The following ARMC1 variants were observed in gnomAD, a reference collection of about 807,000 sequenced individuals.
ARMC1 encodes armadillo repeat containing 1, also known as armadillo repeat-containing protein 1.
Under a neutral mutation model 31.4 loss-of-function variants are expected in ARMC1, and 16 were observed. The observed-to-expected ratio is 0.51, with a 90% CI of 0.34 to 0.77. ARMC1 has a LOEUF of 0.77. ARMC1 is among the 30% of genes least tolerant of loss of function. ARMC1 has a pLI of 0.01. For missense variants in ARMC1, 259 were observed against 347.5 expected (o/e 0.75, Z 2.02); for synonymous variants, 114 against 118.9 (o/e 0.96, Z 0.27).
chr8:65,604,896 A>T (rs1316061746), intron 6 of ARMC1, among the ~76,000 whole-genome samples: 2 of 152,170 alleles, frequency 1.3e-5, no homozygotes, highest in Non-Finnish European at 2.9e-5. Flanking sequence ...CTCAAGGTAT[A>T]TTTGTTTCCC....
intron 2 of ARMC1, among the ~76,000 whole-genome samples, chr8:65,626,459 T>C (rs1004282695): frequency 4.3e-5 from 6 of 138,834 alleles, no homozygotes; most frequent in Non-Finnish European, 9.4e-5. Flanking sequence ...AAAAAAAAAA[T>C]TTATTTATAA....
chr8:65,616,257 C>T (rs1033535072), intron 3 of ARMC1, among the ~76,000 whole-genome samples: 7 of 152,150 alleles, frequency 4.6e-5, no homozygotes, highest in Admixed American at 2.0e-4. Context: ...CTCAGCCTGC[C>T]GAGTGCCTGC....
chr8:65,610,434 G>C (rs994820774), intron 4 of ARMC1, among the ~76,000 whole-genome samples: 1 of 67,614 alleles, frequency 1.5e-5, no homozygotes, highest in Non-Finnish European at 2.8e-5. Flanking sequence ...AGTGGTTCAT[G>C]CCTGTAATCC....
In ARMC1 at chr8:65,602,820, C is replaced by CTTTTTT. The variant is rs557383084; in HGVS notation, c.*1568_*1573dup. The CTTTTTT allele has an allele frequency of 7.3e-6, 1 of 137,518 alleles. No individual in the cohort carries two copies. The highest frequency in any genetic ancestry group is 2.6e-5 in the African/African-American group (1 of 38,700). 8.5% of individuals were successfully genotyped at this position (137,518 alleles called of 1,614,324 possible). On this transcript the variant is annotated 3_prime_UTR_variant, in exon 7 of 7. Coordinates refer to ENST00000276569, the MANE Select transcript of ARMC1 (RefSeq NM_018120.6). ...ATAGGTGCCCTGAAAGTTATTGTTG[C>CTTTTTT]TTTTTTTGTTTTTTTTTTTTCAGTT... is the stretch of plus-strand genomic sequence containing the variant.
At chr8:65,617,419 C>T (rs1808295389) in intron 3 of ARMC1, among the ~76,000 whole-genome samples, 1 of 152,122 alleles carries the variant, frequency 6.6e-6, no homozygotes, top group African/African-American at 2.4e-5. Context: ...TGCTTGAAGG[C>T]AGCATGCTCC....
At chr8:65,632,508 G>T (rs1244356238) in intron 1 of ARMC1, among the ~76,000 whole-genome samples, 1 of 152,136 alleles carries the variant, frequency 6.6e-6, no homozygotes, top group Non-Finnish European at 1.5e-5. Flanking sequence ...AGCTACTCGG[G>T]AGGCTGGGTC....
chr8:65,611,211 G>A (rs941637978), intron 4 of ARMC1, among the ~76,000 whole-genome samples: 7 of 152,156 alleles, frequency 4.6e-5, no homozygotes, highest in East Asian at 3.9e-4. Flanking sequence ...TGGCATTACC[G>A]GCGTAAGCCA....
chr8:65,632,039 C>A (rs1004774612), intron 1 of ARMC1, among the ~76,000 whole-genome samples: 1 of 152,126 alleles, frequency 6.6e-6, no homozygotes, highest in African/African-American at 2.4e-5. Flanking sequence ...GCTCTGTTGC[C>A]CAGGCTGGAT....
chr8:65,614,633 T>C (rs1808212783), intron 3 of ARMC1, among the ~76,000 whole-genome samples: 1 of 152,196 alleles, frequency 6.6e-6, no homozygotes, highest in Admixed American at 6.5e-5. Flanking sequence ...TCTGGCCCCA[T>C]TTGGCTATCT....
chr8:65,603,113 T>C lies in ARMC1; in HGVS notation c.*1281A>G, dbSNP rs1246566832. 1 of 152,212 alleles carries C rather than the reference T, an allele frequency of 6.6e-6. No homozygotes were observed. The highest frequency in any genetic ancestry group is 1.5e-5 in the Non-Finnish European group (1 of 68,028). 9.4% of individuals were successfully genotyped at this position (152,212 alleles called of 1,614,324 possible). A position where few individuals can be genotyped will look rare whatever the true frequency, so the allele number is the denominator to read the frequency against. ...GTTTTTACTCATATCAACATTAATA[T>C]GTATCTGGATTTATTAATTTCCAAA... is the stretch of plus-strand genomic sequence containing the variant. On this transcript the variant is annotated 3_prime_UTR_variant, in exon 7 of 7. Transcript: ENST00000276569.
intron 4 of ARMC1, among the ~76,000 whole-genome samples, chr8:65,612,414 C>T (rs1808161602): frequency 6.6e-6 from 1 of 151,884 alleles, no homozygotes; most frequent in Admixed American, 6.6e-5. Context: ...TATGATTGTG[C>T]CACTGCACTC....
chr8:65,629,274 G>GGA (rs950391653), intron 1 of ARMC1, among the ~76,000 whole-genome samples: 24 of 152,286 alleles, frequency 1.6e-4, no homozygotes, highest in African/African-American at 5.8e-4. Context: ...GGACAGAACT[G>GGA]GAGAACATTG....
chr8:65,610,054 A>C (rs1275744911), intron 4 of ARMC1, among the ~76,000 whole-genome samples: 1 of 151,978 alleles, frequency 6.6e-6, no homozygotes, highest in African/African-American at 2.4e-5. Context: ...AACAGGGACC[A>C]GATTTAGCCT....
chr8:65,618,787 T>C (rs1224378939), intron 3 of ARMC1, among the ~76,000 whole-genome samples: 1 of 152,088 alleles, frequency 6.6e-6, no homozygotes, highest in Admixed American at 6.6e-5. Flanking sequence ...TTTACACCTG[T>C]AATCCCAGCA....
At chr8:65,605,570 T>C (rs1807985046) in intron 4 of ARMC1, 32 bp from the exon 5 acceptor site, 4 of 1,455,770 alleles carry the variant, frequency 2.7e-6, no homozygotes, top group South Asian at 2.3e-5. Context: ...GTTATGAAAA[T>C]AGGTAAATAA....
At chr8:65,628,898 A>C (rs1200882919) in intron 1 of ARMC1, among the ~76,000 whole-genome samples, 1 of 151,820 alleles carries the variant, frequency 6.6e-6, no homozygotes, top group East Asian at 1.9e-4. Context: ...TCACGCCTGT[A>C]ATCCCAGCAC....
chr8:65,628,867 A>C (rs1020919841), intron 1 of ARMC1, among the ~76,000 whole-genome samples: 1 of 150,026 alleles, frequency 6.7e-6, no homozygotes, highest in Non-Finnish European at 1.5e-5. Context: ...AAAAATCAGC[A>C]TATCGGCCGG....
At chr8:65,608,814 C>G (rs894571367) in intron 4 of ARMC1, among the ~76,000 whole-genome samples, 4 of 151,994 alleles carry the variant, frequency 2.6e-5, no homozygotes, top group Non-Finnish European at 5.9e-5. Flanking sequence ...GAGGCTGAGG[C>G]AGGAGAATTG....
In ARMC1 at chr8:65,602,964, G is replaced by A. The variant is rs1363988787; in HGVS notation, c.*1430C>T. The A allele has an allele frequency of 1.3e-5, 2 of 151,792 alleles. No individual in the cohort carries two copies. Among genetic ancestry groups the A allele is most frequent in the South Asian group, 2.1e-4 (1 of 4,820 alleles). The allele number at this position is 151,792 out of a possible 1,614,324, so 9.4% of individuals were successfully genotyped here. On this transcript the variant is annotated 3_prime_UTR_variant, in exon 7 of 7. Transcript: ENST00000276569. Reference sequence around the variant, plus strand: ...TAGTGAACTCAAGACTCTCACTGATGATGGTATTTTACAATGAAAACACAA... The same window carrying A: ...TAGTGAACTCAAGACTCTCACTGATAATGGTATTTTACAATGAAAACACAA...
Sources: allele counts gnomAD v4.1 joint callset (sites outside exome capture counted in the v4.1 genomes callset), GRCh38; gene constraint gnomAD v4.1.1; transcripts MANE v1.5; gene names NCBI Gene and HGNC (gene_info 2026-07-23, HGNC 2026-07-21).